Variants in TRPC4 observed in about 807,000 individuals in gnomAD.
The protein encoded by TRPC4 is short transient receptor potential channel 4.
A neutral mutation model predicts 99.4 loss-of-function variants in TRPC4; 49 were observed. That is an observed-to-expected ratio of 0.49 (90% CI 0.39 to 0.63). The LOEUF is 0.63. TRPC4 is among the 20% of genes least tolerant of loss of function. TRPC4 has a pLI of 0.00. For missense variants in TRPC4, 898 were observed against 1,152.9 expected (o/e 0.78, Z 3.20); for synonymous variants, 454 against 425.9 (o/e 1.07, Z -0.81).
Position 37,674,258 on chromosome 13 carries a change from T to G in TRPC4, c.1344A>C (p.Thr448=). 1 of 1,592,162 alleles carries G rather than the reference T, an allele frequency of 6.3e-7. No individual in the cohort carries two copies. Among genetic ancestry groups the G allele is most frequent in the Non-Finnish European group, 8.5e-7 (1 of 1,172,078 alleles). Reference sequence around the variant, plus strand: ...CAAATGCAACAATTTTCAAGGAGATTGTTGCTAAATATAAGGAGTTCATTA... The same window carrying G: ...CAAATGCAACAATTTTCAAGGAGATGGTTGCTAAATATAAGGAGTTCATTA... The part of the protein sequence containing the change: ...DFVMNSLYLA[T]ISLKIVAFVK... The change falls in exon 5 of 11, where the codon ACA becomes ACC. Residue 448 remains threonine, a synonymous_variant. Transcript: ENST00000379705.
chr13:37,851,397 T>C (rs1420578121), intron 1 of TRPC4, among the ~76,000 whole-genome samples: 1 of 152,194 alleles, frequency 6.6e-6, no homozygotes, highest in Non-Finnish European at 1.5e-5. Context: ...AACCCTGTTA[T>C]TGGAGTTATC....
chr13:37,747,721 C>A (rs1283373079), intron 2 of TRPC4, among the ~76,000 whole-genome samples: 1 of 152,060 alleles, frequency 6.6e-6, no homozygotes, highest in African/African-American at 2.4e-5. Flanking sequence ...CCATTGGTTT[C>A]ATGAGAAACA....
chr13:37,793,041 C>T (rs1320020701), intron 1 of TRPC4, among the ~76,000 whole-genome samples: 1 of 151,858 alleles, frequency 6.6e-6, no homozygotes, highest in Non-Finnish European at 1.5e-5. Flanking sequence ...AACAGGGAAG[C>T]GTGACAAATT....
intron 8 of TRPC4, among the ~76,000 whole-genome samples, chr13:37,639,805 G>C (rs757534389): frequency 5.3e-5 from 8 of 150,068 alleles, no homozygotes; most frequent in Non-Finnish European, 1.0e-4. Flanking sequence ...TGTTTAAATA[G>C]ATGGCTGGAT....
chr13:37,667,377 G>A (rs1433977796), intron 5 of TRPC4, among the ~76,000 whole-genome samples: 7 of 152,254 alleles, frequency 4.6e-5, no homozygotes, highest in South Asian at 2.1e-4. Flanking sequence ...CGCAATCTCG[G>A]CTCACTGCAA....
At chr13:37,846,586 G>C (rs1015202918) in intron 1 of TRPC4, among the ~76,000 whole-genome samples, 4 of 151,456 alleles carry the variant, frequency 2.6e-5, no homozygotes, top group African/African-American at 9.7e-5. Context: ...GCAAAGAAAG[G>C]GTTCAAAGCA....
At chr13:37,760,557 T>A (rs1378940337) in intron 2 of TRPC4, among the ~76,000 whole-genome samples, 1 of 151,938 alleles carries the variant, frequency 6.6e-6, no homozygotes, top group Non-Finnish European at 1.5e-5. Context: ...GCAGATTCCC[T>A]TATTTCCCAT....
chr13:37,768,552 T>G (rs1331738235), intron 2 of TRPC4, among the ~76,000 whole-genome samples: 1 of 151,422 alleles, frequency 6.6e-6, no homozygotes, highest in Non-Finnish European at 1.5e-5. Flanking sequence ...TGAACTCAAG[T>G]GTTTAGAGTC....
At chr13:37,737,383 A>C (rs1226592216) in intron 3 of TRPC4, among the ~76,000 whole-genome samples, 1 of 152,170 alleles carries the variant, frequency 6.6e-6, no homozygotes, top group Admixed American at 6.6e-5. Context: ...AGAAATGCAA[A>C]GGATAAGTTG....
chr13:37,782,824 T>C (rs887234974), intron 2 of TRPC4, 132 bp downstream of exon 2: 39 of 893,366 alleles, frequency 4.4e-5, no homozygotes, highest in Non-Finnish European at 6.1e-5. Context: ...TATAATATAG[T>C]TCAGATTTTG....
chr13:37,789,087 A>G (rs148984527), intron 1 of TRPC4, among the ~76,000 whole-genome samples: 45 of 152,130 alleles, frequency 3.0e-4, no homozygotes, highest in African/African-American at 1.1e-3. Flanking sequence ...TAAGACGCAA[A>G]TCTCATCAAA....
intron 4 of TRPC4, among the ~76,000 whole-genome samples, chr13:37,687,475 A>T (rs745798663): frequency 6.6e-6 from 1 of 152,156 alleles, no homozygotes; most frequent in Non-Finnish European, 1.5e-5. Flanking sequence ...GACAACCAGC[A>T]TTCAAAAGTT....
intron 2 of TRPC4, among the ~76,000 whole-genome samples, chr13:37,757,379 G>T (rs2139222205): frequency 6.6e-6 from 1 of 152,028 alleles, no homozygotes. Flanking sequence ...AGACATCTTT[G>T]AATTCTATCT....
chr13:37,855,237 G>A (rs1959156823), intron 1 of TRPC4, among the ~76,000 whole-genome samples: 1 of 150,450 alleles, frequency 6.6e-6, no homozygotes, highest in Non-Finnish European at 1.5e-5. Context: ...TGTAAGAAGA[G>A]ATAAAGAAGG....
intron 1 of TRPC4, among the ~76,000 whole-genome samples, chr13:37,796,561 C>T (rs7337719): frequency 6.6e-6 from 1 of 151,878 alleles, no homozygotes; most frequent in African/African-American, 2.4e-5. Context: ...TGATTCTGAA[C>T]CTGTTTTCTC....
At chr13:37,846,621 C>A (rs1958906412) in intron 1 of TRPC4, among the ~76,000 whole-genome samples, 1 of 147,298 alleles carries the variant, frequency 6.8e-6, no homozygotes, top group African/African-American at 2.5e-5. Flanking sequence ...ACCATCAAAC[C>A]ACAAATGAAG....
intron 1 of TRPC4, among the ~76,000 whole-genome samples, chr13:37,855,666 A>G (rs897409040): frequency 3.3e-5 from 5 of 151,886 alleles, no homozygotes; most frequent in Admixed American, 1.3e-4. Context: ...CAAAAAATTG[A>G]GGTAATAGCA....
At chr13:37,794,185 G>T (rs563828485) in intron 1 of TRPC4, among the ~76,000 whole-genome samples, 2 of 136,494 alleles carry the variant, frequency 1.5e-5, no homozygotes, top group East Asian at 2.1e-4. Flanking sequence ...ATTAAGAAAG[G>T]TTACATATGG....
chr13:37,742,944 C>T (rs116937903), intron 3 of TRPC4, among the ~76,000 whole-genome samples: 158 of 152,142 alleles, frequency 1.0e-3, no homozygotes, highest in Non-Finnish European at 1.6e-3. Flanking sequence ...TATCAGTTAT[C>T]CAATGTTATT....
Sources: allele counts gnomAD v4.1 joint callset (sites outside exome capture counted in the v4.1 genomes callset), GRCh38; gene constraint gnomAD v4.1.1; transcripts MANE v1.5; gene names NCBI Gene and HGNC (gene_info 2026-07-23, HGNC 2026-07-21).